Variants in NAV2 observed in about 807,000 individuals in gnomAD.
The protein encoded by NAV2 is neuron navigator 2.
Under a neutral mutation model 223.2 loss-of-function variants are expected in NAV2, and 54 were observed. The observed-to-expected ratio is 0.24, with a 90% CI of 0.19 to 0.30. The LOEUF is 0.30. Ranked by LOEUF, NAV2 falls within the 10% of genes least tolerant of loss-of-function variation. The probability of loss-of-function intolerance (pLI) is 1.00; values close to 1 mark genes in which losing one functional copy is unlikely to be tolerated. For synonymous variants in NAV2, 1,279 were observed against 1,239.3 expected, an observed-to-expected ratio of 1.03 and a Z score of -0.67; for missense variants, 2,806 against 3,147.5, an observed-to-expected ratio of 0.89 and a Z score of 2.60.
At chr11:19,880,193 T>G in intron 5 of NAV2, 66 bp downstream of exon 5, 621 of 1,433,074 alleles carry the variant, frequency 4.3e-4, no homozygotes, top group Non-Finnish European at 5.2e-4. Flanking sequence ...AACCAATCTC[T>G]AGGCTATCCT....
At position 19,722,516 on chromosome 11, in the gene NAV2, A is replaced by G. The variant is rs75125207; in HGVS notation, c.267+8554A>G. Among the ~76,000 whole-genome samples the G allele has an allele frequency of 2.6e-5, 4 of 152,092 alleles. No individual in the cohort carries two copies. The East Asian group carries it at 5.8e-4, about 22-fold the overall frequency. On this transcript the variant is annotated intron_variant, in intron 1 of 37. Transcript: ENST00000349880. Reference sequence around the variant, plus strand: ...ATGGTCCTAATACAGTGTATCTTCTATGTGTTCCATAGCCTGGCCATTAGC... The same window carrying G: ...ATGGTCCTAATACAGTGTATCTTCTGTGTGTTCCATAGCCTGGCCATTAGC...
chr11:19,632,998 T>C (rs1361297470), intron 1 of NAV2, among the ~76,000 whole-genome samples: 2 of 152,344 alleles, frequency 1.3e-5, no homozygotes, highest in Non-Finnish European at 2.9e-5. Flanking sequence ...CTGAAGATGC[T>C]GCCTCCTTTT....
chr11:19,806,010 A>G lies in NAV2; in HGVS notation c.268-26474A>G, dbSNP rs1177784056. Among the ~76,000 whole-genome samples the G allele has an allele frequency of 2.0e-5, 3 of 152,132 alleles. No individual in the cohort carries two copies. The East Asian group carries it at 5.8e-4, about 29-fold the overall frequency. ...AATTTCACTACAGAGGTTTTTATTTATTTATTTTGTCCCCTGATAGCTCAG... is the reference window on the plus strand; with the variant it reads ...AATTTCACTACAGAGGTTTTTATTTGTTTATTTTGTCCCCTGATAGCTCAG... On this transcript the variant is annotated intron_variant, in intron 1 of 37. Transcript: ENST00000349880.
chr11:19,479,391 T>C (rs2042213316), intron 1 of NAV2, among the ~76,000 whole-genome samples: 1 of 152,164 alleles, frequency 6.6e-6, no homozygotes, highest in Admixed American at 6.5e-5. Flanking sequence ...GTAATGTTAA[T>C]AATAAGCTGT....
intron 4 of NAV2, among the ~76,000 whole-genome samples, chr11:19,876,310 A>T (rs1438957843): frequency 6.6e-6 from 1 of 152,118 alleles, no homozygotes; most frequent in Non-Finnish European, 1.5e-5. Flanking sequence ...ACAGGAGTTT[A>T]CCACCATGCC....
chr11:20,034,044 GTGGGC>G (rs2056076527), intron 11 of NAV2, among the ~76,000 whole-genome samples: 1 of 152,220 alleles, frequency 6.6e-6, no homozygotes, highest in South Asian at 2.1e-4. Flanking sequence ...TCCTGAGAAA[GTGGGC>G]TGTGTCACAT....
intron 1 of NAV2, among the ~76,000 whole-genome samples, chr11:19,746,585 A>G (rs553963898): frequency 6.6e-6 from 1 of 152,318 alleles, no homozygotes; most frequent in African/African-American, 2.4e-5. Context: ...AGGTGGATTG[A>G]ATAAGTAGTT....
At chr11:19,561,999 T>C (rs900689316) in intron 1 of NAV2, among the ~76,000 whole-genome samples, 2 of 152,236 alleles carry the variant, frequency 1.3e-5, no homozygotes, top group African/African-American at 4.8e-5. Flanking sequence ...TGGGCCTGGG[T>C]GTCACCCCAT....
chr11:19,648,918 A>C (rs1464964043), intron 1 of NAV2, among the ~76,000 whole-genome samples: 1 of 152,138 alleles, frequency 6.6e-6, no homozygotes, highest in East Asian at 1.9e-4. Context: ...TTCCTACCTG[A>C]TATCTTACTA....
At chr11:19,500,598 T>C (rs1021817770) in intron 1 of NAV2, among the ~76,000 whole-genome samples, 1 of 152,236 alleles carries the variant, frequency 6.6e-6, no homozygotes, top group Admixed American at 6.5e-5. Context: ...TTAAATTACT[T>C]TTAAGCATTA....
At chr11:20,016,340 G>C (rs908313506) in intron 11 of NAV2, among the ~76,000 whole-genome samples, 4 of 152,210 alleles carry the variant, frequency 2.6e-5, no homozygotes, top group Non-Finnish European at 5.9e-5. Flanking sequence ...TTAACAATCA[G>C]CTGGTTTCAG....
intron 25 of NAV2, among the ~76,000 whole-genome samples, chr11:20,081,561 A>G (rs1321597565): frequency 6.6e-6 from 1 of 152,186 alleles, no homozygotes; most frequent in Non-Finnish European, 1.5e-5. Flanking sequence ...CCAGAGGTAG[A>G]GGCAAGGATT....
At chr11:19,791,990 A>G (rs1258472241) in intron 1 of NAV2, among the ~76,000 whole-genome samples, 1 of 152,220 alleles carries the variant, frequency 6.6e-6, no homozygotes, top group Non-Finnish European at 1.5e-5. Flanking sequence ...ATCTCTGTGC[A>G]GCACCAATGC....
intron 1 of NAV2, among the ~76,000 whole-genome samples, chr11:19,800,716 T>C (rs538346731): frequency 6.6e-6 from 1 of 151,940 alleles, no homozygotes; most frequent in Non-Finnish European, 1.5e-5. Flanking sequence ...TTTGTATGCA[T>C]GTGTGTATAG....
chr11:19,589,839 C>T (rs1263908635), intron 1 of NAV2, among the ~76,000 whole-genome samples: 1 of 152,178 alleles, frequency 6.6e-6, no homozygotes, highest in Non-Finnish European at 1.5e-5. Flanking sequence ...TTCCAGAAGG[C>T]ACACTGTAGG....
chr11:19,922,456 AGT>A (rs1394746953), intron 6 of NAV2, among the ~76,000 whole-genome samples: 1 of 152,090 alleles, frequency 6.6e-6, no homozygotes, highest in Non-Finnish European at 1.5e-5. Flanking sequence ...ATAGTTTCTC[AGT>A]GTGTGTTGTA....
At chr11:19,405,108 A>G (rs1350026209) in intron 1 of NAV2, among the ~76,000 whole-genome samples, 1 of 152,232 alleles carries the variant, frequency 6.6e-6, no homozygotes, top group Non-Finnish European at 1.5e-5. Context: ...AGAAAAGCCC[A>G]GAATCCTGAT....
intron 1 of NAV2, among the ~76,000 whole-genome samples, chr11:19,424,046 G>A (rs1388613848): frequency 6.6e-6 from 1 of 152,194 alleles, no homozygotes; most frequent in East Asian, 1.9e-4. Context: ...AAATGGAGTT[G>A]TATGCTGCAC....
At chr11:19,786,088 T>G (rs1157974620) in intron 1 of NAV2, among the ~76,000 whole-genome samples, 1 of 152,198 alleles carries the variant, frequency 6.6e-6, no homozygotes, top group Non-Finnish European at 1.5e-5. Context: ...GTTTATTGCA[T>G]TATCTTCTTG....
Sources: allele counts gnomAD v4.1 joint callset (sites outside exome capture counted in the v4.1 genomes callset), GRCh38; gene constraint gnomAD v4.1.1; transcripts MANE v1.5; gene names NCBI Gene and HGNC (gene_info 2026-07-23, HGNC 2026-07-21).